The following DPP6 variants were observed in gnomAD, a reference collection of about 807,000 sequenced individuals.
The protein encoded by DPP6 is A-type potassium channel modulatory protein DPP6.
A neutral mutation model predicts 122.6 loss-of-function variants in DPP6; 69 were observed. The ratio of observed to expected loss-of-function variants is 0.56; its 90% CI spans 0.46 to 0.69. The LOEUF (loss-of-function observed/expected upper bound fraction) is 0.69, where lower values mean the gene tolerates loss of function less well. DPP6 is among the 30% of genes least tolerant of loss of function. The probability of loss-of-function intolerance (pLI) is 0.00; values close to 1 mark genes in which losing one functional copy is unlikely to be tolerated. For synonymous variants in DPP6, 418 were observed against 433.1 expected, an observed-to-expected ratio of 0.97 and a Z score of 0.43; for missense variants, 928 against 1,116.9, an observed-to-expected ratio of 0.83 and a Z score of 2.41.
intron 1 of DPP6, among the ~76,000 whole-genome samples, chr7:154,262,891 G>A (rs1355552839): frequency 6.6e-6 from 1 of 152,162 alleles, no homozygotes; most frequent in African/African-American, 2.4e-5. Flanking sequence ...AAGGTCAGTG[G>A]ATCAAAGAGA....
intron 1 of DPP6, among the ~76,000 whole-genome samples, chr7:154,134,655 C>T: frequency 6.6e-6 from 1 of 152,314 alleles, no homozygotes; most frequent in Middle Eastern, 3.4e-3. Context: ...TGAGCCCACA[C>T]TTCCTGTGAG....
At chr7:154,018,939 G>A (rs1478405879) in intron 1 of DPP6, among the ~76,000 whole-genome samples, 2 of 152,068 alleles carry the variant, frequency 1.3e-5, no homozygotes, top group African/African-American at 4.8e-5. Flanking sequence ...TATCTTCAAA[G>A]TTTTAAGTAC....
chr7:154,698,141 A>G (rs887380526), intron 7 of DPP6, among the ~76,000 whole-genome samples: 1 of 152,214 alleles, frequency 6.6e-6, no homozygotes, highest in African/African-American at 2.4e-5. Context: ...TTTTTTAGTT[A>G]CAATTATTAG....
At chr7:154,180,215 G>A (rs1384982340) in intron 1 of DPP6, among the ~76,000 whole-genome samples, 1 of 151,742 alleles carries the variant, frequency 6.6e-6, no homozygotes, top group Non-Finnish European at 1.5e-5. Context: ...AGGCATGGTA[G>A]TGCGCACCTA....
In DPP6 at chr7:153,920,629, C is replaced by G. The variant is rs185934384; in HGVS notation, c.51+32895C>G. Among the ~76,000 whole-genome samples, 388 of 125,554 alleles carry G rather than the reference C, an allele frequency of 3.1e-3. 4 individuals are homozygous for G. In the East Asian group the frequency reaches 0.057, roughly 18 times the overall value. 82.4% of individuals were successfully genotyped at this position (125,554 alleles called of 152,430 possible). A position where few individuals can be genotyped will look rare whatever the true frequency, so the allele number is the denominator to read the frequency against. Reference sequence around the variant, plus strand: ...AGGCTGGAGTGCAGTGGCGGGATCTCGGCTCACTGCAACCTCCGCCTCCTG... The same window carrying G: ...AGGCTGGAGTGCAGTGGCGGGATCTGGGCTCACTGCAACCTCCGCCTCCTG... On this transcript the variant is annotated intron_variant, in intron 1 of 25. Coordinates refer to the DPP6 transcript ENST00000404039.
At chr7:154,687,360 G>A (rs751916643) in intron 7 of DPP6, among the ~76,000 whole-genome samples, 3 of 152,134 alleles carry the variant, frequency 2.0e-5, no homozygotes, top group Non-Finnish European at 4.4e-5. Context: ...TGTATTTACA[G>A]TTTTGCTATG....
intron 3 of DPP6, among the ~76,000 whole-genome samples, chr7:154,501,520 C>T (rs926221546): frequency 6.6e-6 from 1 of 152,144 alleles, no homozygotes; most frequent in Non-Finnish European, 1.5e-5. Context: ...GCTGAAATGG[C>T]CCAAGTTAGA....
At chr7:154,798,169 C>T (rs1428129515) in intron 12 of DPP6, among the ~76,000 whole-genome samples, 1 of 152,236 alleles carries the variant, frequency 6.6e-6, no homozygotes, top group African/African-American at 2.4e-5. Context: ...CAGCTGGCCA[C>T]CTGCAGTTCT....
intron 1 of DPP6, among the ~76,000 whole-genome samples, chr7:154,133,343 T>C (rs1366762745): frequency 6.6e-6 from 1 of 152,134 alleles, no homozygotes; most frequent in Non-Finnish European, 1.5e-5. Flanking sequence ...GATTAGTCAA[T>C]GTGAGGGTGG....
At chr7:153,794,030 CAGGA>C in the DPP6 span, among the ~76,000 whole-genome samples, 1 of 152,242 alleles carries the variant, frequency 6.6e-6, no homozygotes, top group Non-Finnish European at 1.5e-5. Flanking sequence ...AAGTTTGCTG[CAGGA>C]GCAGGGCACT....
chr7:153,869,529 T>A, the DPP6 span, among the ~76,000 whole-genome samples: 1 of 152,182 alleles, frequency 6.6e-6, no homozygotes, highest in South Asian at 2.1e-4. Context: ...ATCCCTTTAT[T>A]TGGAGCCTAT....
At chr7:154,269,687 C>T (rs1399242089) in intron 1 of DPP6, among the ~76,000 whole-genome samples, 1 of 152,176 alleles carries the variant, frequency 6.6e-6, no homozygotes, top group Non-Finnish European at 1.5e-5. Flanking sequence ...ACAAGATTAC[C>T]ATCAGATCTA....
chr7:154,205,216 G>T (rs910815205), intron 1 of DPP6, among the ~76,000 whole-genome samples: 1 of 151,918 alleles, frequency 6.6e-6, no homozygotes, highest in Admixed American at 6.6e-5. Flanking sequence ...TACAGAGAGA[G>T]CCCTTGTACC....
At chr7:153,834,615 A>G in the DPP6 span, among the ~76,000 whole-genome samples, 1 of 152,232 alleles carries the variant, frequency 6.6e-6, no homozygotes, top group African/African-American at 2.4e-5. Context: ...CACAAATATT[A>G]TCTCATTTGA....
chr7:154,581,330 G>A (rs1586675096), intron 5 of DPP6, among the ~76,000 whole-genome samples: 1 of 152,142 alleles, frequency 6.6e-6, no homozygotes, highest in East Asian at 1.9e-4. Flanking sequence ...AGATTTGTGT[G>A]GGGAAAAGGA....
chr7:153,860,269 G>A, the DPP6 span, among the ~76,000 whole-genome samples: 3 of 152,098 alleles, frequency 2.0e-5, no homozygotes, highest in African/African-American at 7.2e-5. Context: ...CCATGTTGGG[G>A]CTGCAGGGGG....
At chr7:154,850,927 T>C (rs1201737791) in intron 16 of DPP6, among the ~76,000 whole-genome samples, 1 of 152,230 alleles carries the variant, frequency 6.6e-6, no homozygotes, top group Non-Finnish European at 1.5e-5. Flanking sequence ...ATACGGTGTG[T>C]AATGTTAAGA....
intron 1 of DPP6, among the ~76,000 whole-genome samples, chr7:154,258,332 G>T (rs1367145206): frequency 4.6e-5 from 7 of 152,194 alleles, no homozygotes; most frequent in Non-Finnish European, 1.0e-4. Flanking sequence ...TAACAATTCA[G>T]TTTCTGGCTT....
chr7:154,072,690 T>C (rs1803206522), intron 1 of DPP6, among the ~76,000 whole-genome samples: 1 of 152,290 alleles, frequency 6.6e-6, no homozygotes, highest in Admixed American at 6.5e-5. Flanking sequence ...GTTATTAGGC[T>C]GTGCTGAGTC....
Sources: allele counts gnomAD v4.1 joint callset (sites outside exome capture counted in the v4.1 genomes callset), GRCh38; gene constraint gnomAD v4.1.1; transcripts MANE v1.5; gene names NCBI Gene and HGNC (gene_info 2026-07-23, HGNC 2026-07-21).